The following DPF3 variants were observed in gnomAD, a reference collection of about 807,000 sequenced individuals.
DPF3 encodes the protein zinc finger protein DPF3.
Under a neutral mutation model 56.8 loss-of-function variants are expected in DPF3, and 18 were observed. The ratio of observed to expected loss-of-function variants is 0.32; its 90% CI spans 0.22 to 0.47. The LOEUF (loss-of-function observed/expected upper bound fraction) is 0.47. Among genes scored for constraint, DPF3 ranks in the 20% least tolerant of loss-of-function variants. DPF3 has a pLI of 1.00. For synonymous variants in DPF3, 188 were observed against 180.2 expected, an observed-to-expected ratio of 1.04 and a Z score of -0.35; for missense variants, 403 against 488.8, an observed-to-expected ratio of 0.82 and a Z score of 1.65.
rs145433444 is a variant in DPF3 at position 72,667,899 on chromosome 14, G to A, written c.871+6341C>T. 5.3e-5 allele frequency among the ~76,000 whole-genome samples: 8 copies of A among 152,306 alleles called. No homozygotes were observed. In the East Asian group the frequency reaches 1.4e-3, roughly 26 times the overall value. On this transcript the variant is annotated intron_variant, in intron 8 of 10. Coordinates refer to ENST00000556509, the MANE Select transcript of DPF3 (RefSeq NM_001280542.3). ...CTATGCAAGGGGCAATGCAGGCAAC[G>A]ATAGAGTATAGGCTCTACAATCAGG...
chr14:72,748,077 T>A (rs1413793899), intron 3 of DPF3, among the ~76,000 whole-genome samples: 1 of 151,916 alleles, frequency 6.6e-6, no homozygotes, highest in Non-Finnish European at 1.5e-5. Flanking sequence ...CAGGCAGAGG[T>A]TGGAAAAGTT....
At chr14:72,633,519 C>T (rs1306248833) in intron 8 of DPF3, among the ~76,000 whole-genome samples, 1 of 152,020 alleles carries the variant, frequency 6.6e-6, no homozygotes, top group African/African-American at 2.4e-5. Context: ...AGAAGCAAAT[C>T]GGGTGAGTAT....
At chr14:72,795,296 ATATAT>A (rs1425077677) in intron 1 of DPF3, among the ~76,000 whole-genome samples, 24 of 96,286 alleles carry the variant, frequency 2.5e-4, no homozygotes, top group African/African-American at 7.4e-4. Flanking sequence ...AAAAAAAAAA[ATATAT>A]ATATATATAT....
Position 72,848,794 on chromosome 14 carries a change from A to C in DPF3, c.32+45263T>G, listed in dbSNP as rs546005908. The stretch of plus-strand genomic sequence containing the variant: ...GGTTTAGGAAAGCATTTGCAATAGG[A>C]AAGGGGTAAGCTTTCACTGCATCTG... On this transcript the variant is annotated intron_variant, in intron 1 of 10. Coordinates refer to ENST00000556509, the MANE Select transcript of DPF3 (RefSeq NM_001280542.3). Among the ~76,000 whole-genome samples the C allele has an allele frequency of 6.6e-5, 10 of 152,262 alleles. 1 individual carries two copies. The South Asian group carries it at 2.1e-3, about 32-fold the overall frequency.
At chr14:72,723,048 T>A (rs1334428905) in intron 5 of DPF3, among the ~76,000 whole-genome samples, 2 of 152,122 alleles carry the variant, frequency 1.3e-5, no homozygotes, top group African/African-American at 4.8e-5. Flanking sequence ...TTATTTTTTT[T>A]ATTATACTTT....
At position 72,695,504 on chromosome 14, in the gene DPF3, A is replaced by G. The variant is rs1488002974; in HGVS notation, c.605-2291T>C. 2.6e-5 allele frequency among the ~76,000 whole-genome samples: 4 copies of G among 152,382 alleles called. 1 individual carries two copies. Among genetic ancestry groups the G allele is most frequent in the African/African-American group, 4.8e-5 (2 of 41,594 alleles). ...AAGGCCCAATGTTTAGCTCCCACTT[A>G]TAAGTAGAACATATGGTATTTGATT... is the stretch of plus-strand genomic sequence containing the variant. On this transcript the variant is annotated intron_variant, in intron 6 of 10. Coordinates refer to ENST00000556509, the MANE Select transcript of DPF3 (RefSeq NM_001280542.3).
chr14:72,612,675 A>G lies in DPF3; in HGVS notation c.*6622T>C. ...GGCAAACCAAGTCCGTATAAACCAC[A>G]AACCCCATTCTAGCCATAAAAGCTT... is the stretch of plus-strand genomic sequence containing the variant. On this transcript the variant is annotated 3_prime_UTR_variant, in exon 11 of 11. Transcript: ENST00000556509. 2.0e-6 allele frequency: 1 copy of G among 504,702 alleles called. No individual in the cohort carries two copies. Among genetic ancestry groups the G allele is most frequent in the South Asian group, 1.4e-5 (1 of 70,338 alleles). The allele number at this position is 504,702 out of a possible 1,614,324, so 31.3% of individuals were successfully genotyped here. A position where few individuals can be genotyped will look rare whatever the true frequency, so the allele number is the denominator to read the frequency against.
chr14:72,846,882 T>C lies in DPF3; in HGVS notation c.32+47175A>G, dbSNP rs35939523. ...GAGGAGGACCTTGGAACATCCTCTC[T>C]AAATTCCTCCCCTAGTTCCAGTCCA... is the stretch of plus-strand genomic sequence containing the variant. On this transcript the variant is annotated intron_variant, in intron 1 of 10. Coordinates refer to ENST00000556509, the MANE Select transcript of DPF3 (RefSeq NM_001280542.3). 2.6e-3 allele frequency among the ~76,000 whole-genome samples: 394 copies of C among 152,342 alleles called. 4 individuals carry two copies. Among genetic ancestry groups the C allele is most frequent in the African/African-American group, 9.0e-3 (373 of 41,582 alleles).
intron 1 of DPF3, among the ~76,000 whole-genome samples, chr14:72,795,289 A>ATATATATATATAT (rs1179925797): frequency 1.0e-4 from 12 of 119,286 alleles, no homozygotes; most frequent in Non-Finnish European, 1.9e-4. Flanking sequence ...AAAAAAAAAA[A>ATATATATATATAT]AAAAAAATAT....
chr14:72,720,650 A>G (rs1199614924), intron 5 of DPF3, among the ~76,000 whole-genome samples: 2 of 152,200 alleles, frequency 1.3e-5, no homozygotes, highest in Non-Finnish European at 2.9e-5. Flanking sequence ...TTCATTCGAC[A>G]AGCTAATCAT....
intron 8 of DPF3, among the ~76,000 whole-genome samples, chr14:72,653,786 T>A (rs1681997969): frequency 1.3e-5 from 2 of 152,176 alleles, no homozygotes; most frequent in South Asian, 4.1e-4. Flanking sequence ...GGTAGTGTCA[T>A]CGCAGTTTCT....
intron 9 of DPF3, 92 bp downstream of exon 9, chr14:72,629,532 C>A: frequency 1.6e-6 from 2 of 1,238,356 alleles, no homozygotes; most frequent in East Asian, 2.5e-5. Flanking sequence ...GCCCCAGGGG[C>A]CTAGTGACAA....
chr14:72,869,790 G>C (rs1487581269), intron 1 of DPF3, among the ~76,000 whole-genome samples: 4 of 152,064 alleles, frequency 2.6e-5, no homozygotes, highest in Non-Finnish European at 5.9e-5. Flanking sequence ...AGAGAGGTGG[G>C]GAAGAGAAGG....
chr14:72,769,071 TTAAATC>T (rs1458996350), intron 2 of DPF3, among the ~76,000 whole-genome samples: 1 of 151,976 alleles, frequency 6.6e-6, no homozygotes, highest in Non-Finnish European at 1.5e-5. Flanking sequence ...TAAAAACTGT[TTAAATC>T]TAAATTGAAT....
chr14:72,757,087 A>AAGGG (rs1890870977), intron 2 of DPF3, among the ~76,000 whole-genome samples: 1 of 103,274 alleles, frequency 9.7e-6, no homozygotes, highest in Non-Finnish European at 1.9e-5. Context: ...GGAAGGAAGG[A>AAGGG]AGGGAGGAAG....
intron 1 of DPF3, among the ~76,000 whole-genome samples, chr14:72,882,280 T>C (rs1010960329): frequency 6.6e-6 from 1 of 152,244 alleles, no homozygotes; most frequent in Non-Finnish European, 1.5e-5. Flanking sequence ...GGGAACTCTT[T>C]TTTCTTTCTT....
chr14:72,792,744 G>A (rs1567234292), intron 1 of DPF3, among the ~76,000 whole-genome samples: 3 of 152,060 alleles, frequency 2.0e-5, no homozygotes, highest in Non-Finnish European at 4.4e-5. Context: ...GCCAGGTCCA[G>A]TTAGCAGAGG....
chr14:72,615,269 A>T lies in DPF3; in HGVS notation c.*4028T>A, dbSNP rs1040492104. Among the ~76,000 whole-genome samples, 1 of 152,100 alleles carries T rather than the reference A, an allele frequency of 6.6e-6. No homozygotes were observed. The highest frequency in any genetic ancestry group is 1.5e-5 in the Non-Finnish European group (1 of 67,996). ...CCCCTACCTCCTCACACACAGACCC[A>T]AAGAGGAGACTATAAGCCCCTCTTC... On this transcript the variant is annotated 3_prime_UTR_variant, in exon 11 of 11. Coordinates refer to ENST00000556509, the MANE Select transcript of DPF3 (RefSeq NM_001280542.3).
chr14:72,891,754 C>T (rs1191902616), intron 1 of DPF3, among the ~76,000 whole-genome samples: 2 of 151,914 alleles, frequency 1.3e-5, no homozygotes, highest in African/African-American at 4.8e-5. Flanking sequence ...GGGAAAGGGT[C>T]TGGGAAGCAG....
Sources: allele counts gnomAD v4.1 joint callset (sites outside exome capture counted in the v4.1 genomes callset), GRCh38; gene constraint gnomAD v4.1.1; transcripts MANE v1.5; gene names NCBI Gene and HGNC (gene_info 2026-07-23, HGNC 2026-07-21).